PRKG1: variants seen among roughly 807,000 people sequenced by gnomAD.
PRKG1 encodes protein kinase cGMP-dependent 1, also known as cGMP-dependent protein kinase 1.
In PRKG1, 35 loss-of-function variants were observed where a neutral mutation model predicts 88.1. That is an observed-to-expected ratio of 0.40 (90% CI 0.30 to 0.53). The LOEUF (loss-of-function observed/expected upper bound fraction) is 0.53, where lower values mean the gene tolerates loss of function less well. Ranked by LOEUF, PRKG1 falls within the 20% of genes least tolerant of loss-of-function variation. The pLI, the probability that PRKG1 is intolerant of heterozygous loss-of-function variation, is 0.59. For synonymous variants in PRKG1, 303 were observed against 292.5 expected (o/e 1.04, Z -0.37); for missense variants, 540 against 839.8 (o/e 0.64, Z 4.41).
rs547612034 is a variant in PRKG1 at position 52,251,859 on chromosome 10, C to T, written c.1173+193C>T. ...AAAGTGGGCTAAATTATGCAGTCAA[C>T]GACTAAAAATAAAATAACACCTTGC... On this transcript the variant is annotated intron_variant, in intron 10 of 17. Transcript: ENST00000373980. 61 of 484,510 alleles carry T rather than the reference C, an allele frequency of 1.3e-4. No individual in the cohort carries two copies. In the South Asian group the frequency reaches 1.7e-3, roughly 14 times the overall value. 30.0% of individuals were successfully genotyped at this position (484,510 alleles called of 1,614,324 possible).
At chr10:51,316,579 G>A (rs1240624145) in intron 2 of PRKG1, among the ~76,000 whole-genome samples, 1 of 152,144 alleles carries the variant, frequency 6.6e-6, no homozygotes, top group Non-Finnish European at 1.5e-5. Context: ...CTACTCAGGA[G>A]GCTGAGGCAG....
intron 3 of PRKG1, among the ~76,000 whole-genome samples, chr10:51,549,281 C>T (rs1040077808): frequency 7.3e-5 from 11 of 151,438 alleles, no homozygotes; most frequent in East Asian, 5.9e-4. Context: ...CGTGCCACCA[C>T]GCCCAGCTAA....
intron 2 of PRKG1, among the ~76,000 whole-genome samples, chr10:51,305,080 A>G (rs1841001448): frequency 6.6e-6 from 1 of 152,136 alleles, no homozygotes; most frequent in Non-Finnish European, 1.5e-5. Flanking sequence ...CCTATTTTCC[A>G]GAGCCTTACT....
intron 4 of PRKG1, among the ~76,000 whole-genome samples, chr10:51,811,227 GT>G (rs1270918634): frequency 6.6e-6 from 1 of 152,010 alleles, no homozygotes; most frequent in Non-Finnish European, 1.5e-5. Context: ...TATTTTCATT[GT>G]TCCTTTCCAC....
At chr10:51,700,798 A>G (rs1247530597) in intron 3 of PRKG1, among the ~76,000 whole-genome samples, 1 of 152,248 alleles carries the variant, frequency 6.6e-6, no homozygotes, top group Non-Finnish European at 1.5e-5. Context: ...TATAAAAACT[A>G]ATGTTCAGTA....
intron 2 of PRKG1, among the ~76,000 whole-genome samples, chr10:51,287,592 A>G (rs1027883372): frequency 2.6e-5 from 4 of 152,198 alleles, no homozygotes; most frequent in Admixed American, 6.5e-5. Context: ...AATAAACAAG[A>G]TAATTTCAGA....
intron 9 of PRKG1, among the ~76,000 whole-genome samples, chr10:52,208,727 T>C (rs900214897): frequency 1.3e-5 from 2 of 152,254 alleles, no homozygotes; most frequent in Admixed American, 1.3e-4. Context: ...ATTTCTGCCC[T>C]AAAGGCAATA....
intron 3 of PRKG1, among the ~76,000 whole-genome samples, chr10:51,561,093 G>T (rs1837446763): frequency 6.6e-6 from 1 of 151,058 alleles, no homozygotes; most frequent in Non-Finnish European, 1.5e-5. Flanking sequence ...AAAAAAAGAA[G>T]AAAAAGAAAA....
At chr10:52,141,064 A>T (rs930685800) in intron 8 of PRKG1, among the ~76,000 whole-genome samples, 1 of 152,158 alleles carries the variant, frequency 6.6e-6, no homozygotes, top group African/African-American at 2.4e-5. Flanking sequence ...TGGTCACAGG[A>T]AAACAAATGT....
chr10:51,488,675 G>C (rs942451596), intron 3 of PRKG1, among the ~76,000 whole-genome samples: 4 of 152,028 alleles, frequency 2.6e-5, no homozygotes, highest in African/African-American at 9.7e-5. Flanking sequence ...GAATGTGAAC[G>C]CTATGTGGCA....
At chr10:51,627,038 A>G (rs1839354309) in intron 3 of PRKG1, among the ~76,000 whole-genome samples, 1 of 152,142 alleles carries the variant, frequency 6.6e-6, no homozygotes, top group East Asian at 1.9e-4. Flanking sequence ...TAACAAACCA[A>G]CTGACAGTAA....
At chr10:51,970,049 C>T (rs76966479) in intron 5 of PRKG1, among the ~76,000 whole-genome samples, 17,387 of 116,054 alleles carry the variant, frequency 0.15, 1,297 homozygotes, top group East Asian at 0.4. Flanking sequence ...CACACACACA[C>T]ACCCATATTT....
At chr10:51,350,180 G>A (rs1564457266) in intron 2 of PRKG1, among the ~76,000 whole-genome samples, 1 of 152,188 alleles carries the variant, frequency 6.6e-6, no homozygotes, top group Admixed American at 6.5e-5. Context: ...GACCAGTTAT[G>A]TGAATTCATC....
chr10:51,508,638 C>T (rs1338283211), intron 3 of PRKG1, among the ~76,000 whole-genome samples: 1 of 152,008 alleles, frequency 6.6e-6, no homozygotes, highest in East Asian at 1.9e-4. Context: ...AAATTTTTCT[C>T]ATAATAGATC....
At chr10:51,991,941 G>A (rs191321922) in intron 5 of PRKG1, among the ~76,000 whole-genome samples, 5 of 152,254 alleles carry the variant, frequency 3.3e-5, no homozygotes, top group African/African-American at 1.2e-4. Flanking sequence ...TGTATGTGAG[G>A]AGTCAAAATA....
chr10:51,610,045 G>A (rs1311619879), intron 3 of PRKG1, among the ~76,000 whole-genome samples: 4 of 152,148 alleles, frequency 2.6e-5, no homozygotes, highest in Non-Finnish European at 5.9e-5. Context: ...ATGGGTACAT[G>A]TGAAATTTTG....
intron 9 of PRKG1, among the ~76,000 whole-genome samples, chr10:52,174,100 G>GTT (rs34566028): frequency 7.0e-6 from 1 of 143,660 alleles, no homozygotes; most frequent in Non-Finnish European, 1.5e-5. Flanking sequence ...TAGTAATCAG[G>GTT]TTTTTTTAAT....
intron 1 of PRKG1, among the ~76,000 whole-genome samples, chr10:51,052,681 A>G (rs959371002): frequency 1.3e-5 from 2 of 152,224 alleles, no homozygotes; most frequent in Admixed American, 1.3e-4. Context: ...GAGATCACTT[A>G]TTAATCTGAA....
chr10:52,283,342 G>T (rs1445441644), intron 14 of PRKG1, among the ~76,000 whole-genome samples: 1 of 152,080 alleles, frequency 6.6e-6, no homozygotes, highest in Non-Finnish European at 1.5e-5. Flanking sequence ...GAGGCAGGAT[G>T]TGAAGAATTA....
Sources: gnomAD v4.1 joint callset for allele counts (sites outside exome capture counted in the v4.1 genomes callset) on GRCh38, gnomAD v4.1.1 for gene constraint, MANE v1.5 for transcripts, NCBI Gene and HGNC (gene_info 2026-07-23, HGNC 2026-07-21) for gene names.